Variants in MYO9B observed in about 807,000 individuals in gnomAD.
MYO9B encodes the protein unconventional myosin-IXb.
In MYO9B, 71 loss-of-function variants were observed where a neutral mutation model predicts 229.5. The observed-to-expected ratio is 0.31, with a 90% CI of 0.26 to 0.38. The LOEUF (loss-of-function observed/expected upper bound fraction) is 0.38, where lower values mean the gene tolerates loss of function less well. Among genes scored for constraint, MYO9B ranks in the 10% least tolerant of loss-of-function variants. The pLI, the probability that MYO9B is intolerant of heterozygous loss-of-function variation, is 1.00. For missense variants in MYO9B, 2,255 were observed against 2,920.5 expected (o/e 0.77, Z 5.25); for synonymous variants, 1,185 against 1,235.8 (o/e 0.96, Z 0.86).
At chr19:17,199,513 G>GT (rs372647990) in intron 24 of MYO9B, among the ~76,000 whole-genome samples, 2,437 of 146,576 alleles carry the variant, frequency 0.017, 57 homozygotes, top group African/African-American at 0.055. Context: ...TTTTTTGTTT[G>GT]TTTTTTTTTT....
At chr19:17,121,524 A>G (rs957857487) in intron 2 of MYO9B, among the ~76,000 whole-genome samples, 12 of 151,758 alleles carry the variant, frequency 7.9e-5, no homozygotes, top group Admixed American at 2.6e-4. Flanking sequence ...AGTGGGTCCA[A>G]GGGGAGCCTG....
At chr19:17,163,685 C>G (rs1029180320) in intron 10 of MYO9B, among the ~76,000 whole-genome samples, 1 of 152,076 alleles carries the variant, frequency 6.6e-6, no homozygotes, top group African/African-American at 2.4e-5. Flanking sequence ...TTTTCTGTCT[C>G]TATCATTTTT....
At chr19:17,163,984 G>A (rs2072632820) in intron 10 of MYO9B, among the ~76,000 whole-genome samples, 1 of 152,100 alleles carries the variant, frequency 6.6e-6, no homozygotes, top group African/African-American at 2.4e-5. Context: ...CAATTCTTTC[G>A]GGTATATACC....
chr19:17,198,051 A>G lies in MYO9B; in HGVS notation c.4114-133A>G, dbSNP rs147162205. The G allele has an allele frequency of 1.3e-3, 1,885 of 1,402,776 alleles. 28 individuals carry two copies. The East Asian group carries it at 0.04, about 30-fold the overall frequency. 86.9% of individuals were successfully genotyped at this position (1,402,776 alleles called of 1,614,324 possible). ...CACTCCAGCCTGGGCAACTAGAGTGAGACTCCGTTTCAAAAAAAAAAAAAG... is the reference window on the plus strand; with the variant it reads ...CACTCCAGCCTGGGCAACTAGAGTGGGACTCCGTTTCAAAAAAAAAAAAAG... On this transcript the variant is annotated intron_variant, in intron 23 of 39. Transcript: ENST00000682292.
chr19:17,119,510 G>A (rs185074161), intron 2 of MYO9B, among the ~76,000 whole-genome samples: 23 of 152,224 alleles, frequency 1.5e-4, no homozygotes, highest in African/African-American at 3.6e-4. Flanking sequence ...ATGCCTGAGT[G>A]CGCTCCCATC....
chr19:17,102,957 A>G (rs868716711), intron 2 of MYO9B, among the ~76,000 whole-genome samples: 3 of 148,656 alleles, frequency 2.0e-5, no homozygotes, highest in Non-Finnish European at 4.5e-5. Flanking sequence ...GCTCATGTCT[A>G]TAACCCCAGT....
At chr19:17,151,535 A>G (rs1364228984) in intron 3 of MYO9B, among the ~76,000 whole-genome samples, 2 of 152,206 alleles carry the variant, frequency 1.3e-5, no homozygotes, top group African/African-American at 2.4e-5. Flanking sequence ...AAAGACGTCA[A>G]TGTATACTTC....
At chr19:17,098,653 GCA>G (rs1200168386) in intron 1 of MYO9B, among the ~76,000 whole-genome samples, 6 of 152,132 alleles carry the variant, frequency 3.9e-5, no homozygotes, top group Non-Finnish European at 5.9e-5. Context: ...ACTTGGCCGG[GCA>G]CAGTCACTCA....
chr19:17,146,543 A>G (rs2072413706), intron 3 of MYO9B, among the ~76,000 whole-genome samples: 1 of 151,578 alleles, frequency 6.6e-6, no homozygotes, highest in Admixed American at 6.6e-5. Flanking sequence ...GGGTGTGTGG[A>G]TGGGTGGATG....
At chr19:17,125,266 A>G (rs909882207) in intron 2 of MYO9B, among the ~76,000 whole-genome samples, 5 of 151,002 alleles carry the variant, frequency 3.3e-5, no homozygotes, top group Admixed American at 3.3e-4. Flanking sequence ...ATGCCACTGC[A>G]CACTAGCCTG....
intron 36 of MYO9B, 98 bp downstream of exon 36, chr19:17,209,807 T>G: frequency 7.0e-7 from 1 of 1,428,128 alleles, no homozygotes. Context: ...GGAAGGCTGG[T>G]GAGTGGGGTC....
intron 39 of MYO9B, 41 bp downstream of exon 39, chr19:17,211,815 A>G (rs1221558475): frequency 3.1e-6 from 5 of 1,611,552 alleles, no homozygotes; most frequent in Non-Finnish European, 2.5e-6. Flanking sequence ...CTTCCCGTCC[A>G]TCCCAGCAGG....
intron 30 of MYO9B, among the ~76,000 whole-genome samples, 159 bp from the exon 31 acceptor site, chr19:17,205,104 T>A (rs2073145082): frequency 6.7e-6 from 1 of 149,102 alleles, no homozygotes; most frequent in Admixed American, 6.7e-5. Context: ...TGAGCCGAGA[T>A]CACGCCATTG....
At chr19:17,081,273 C>G (rs1359852712) in intron 1 of MYO9B, among the ~76,000 whole-genome samples, 1 of 152,098 alleles carries the variant, frequency 6.6e-6, no homozygotes, top group African/African-American at 2.4e-5. Flanking sequence ...GGTGATCAGC[C>G]CGCTCGGACT....
intron 2 of MYO9B, among the ~76,000 whole-genome samples, chr19:17,120,728 G>C (rs1337880107): frequency 6.6e-6 from 1 of 151,610 alleles, no homozygotes; most frequent in African/African-American, 2.4e-5. Flanking sequence ...CTCATGGTGA[G>C]TATTGAATAA....
At chr19:17,141,432 C>T (rs1283276076) in intron 2 of MYO9B, among the ~76,000 whole-genome samples, 1 of 152,190 alleles carries the variant, frequency 6.6e-6, no homozygotes, top group African/African-American at 2.4e-5. Flanking sequence ...CCTCCCCTTG[C>T]CATGTTACCT....
intron 2 of MYO9B, among the ~76,000 whole-genome samples, chr19:17,128,816 G>A (rs2072157496): frequency 6.6e-6 from 1 of 152,254 alleles, no homozygotes; most frequent in African/African-American, 2.4e-5. Flanking sequence ...CCAGTGTCAT[G>A]TGGTGGTCTC....
chr19:17,211,852 C>T (rs1367851692), intron 39 of MYO9B, 43 bp from the exon 40 acceptor site: 11 of 1,603,792 alleles, frequency 6.9e-6, no homozygotes, highest in East Asian at 2.2e-5. Flanking sequence ...CTCCGGCTGC[C>T]GGCCCTGAAG....
At chr19:17,136,945 T>A (rs538487190) in intron 2 of MYO9B, among the ~76,000 whole-genome samples, 1 of 152,104 alleles carries the variant, frequency 6.6e-6, no homozygotes, top group South Asian at 2.1e-4. Context: ...ATTTTTAAAA[T>A]TAGGCCAGGC....
Sources: allele counts gnomAD v4.1 joint callset (sites outside exome capture counted in the v4.1 genomes callset), GRCh38; gene constraint gnomAD v4.1.1; transcripts MANE v1.5; gene names NCBI Gene and HGNC (gene_info 2026-07-23, HGNC 2026-07-21).